The following ERCC6 variants were observed in gnomAD, a reference collection of about 807,000 sequenced individuals.
ERCC6 encodes the protein ERCC excision repair 6, chromatin remodeling factor, also known as DNA excision repair protein ERCC-6.
A neutral mutation model predicts 158.7 loss-of-function variants in ERCC6; 116 were observed. The ratio of observed to expected loss-of-function variants is 0.73; its 90% CI spans 0.63 to 0.85. The LOEUF is 0.85. ERCC6 is among the 40% of genes least tolerant of loss of function. The pLI, the probability that ERCC6 is intolerant of heterozygous loss-of-function variation, is 0.00. For synonymous variants in ERCC6, 678 were observed against 659.3 expected (o/e 1.03, Z -0.43); for missense variants, 1,698 against 1,799.4 (o/e 0.94, Z 1.02).
intron 5 of ERCC6, among the ~76,000 whole-genome samples, chr10:49,521,335 C>T (rs1001831657): frequency 2.6e-5 from 4 of 152,214 alleles, no homozygotes; most frequent in African/African-American, 4.8e-5. Flanking sequence ...GGCTGCACAG[C>T]CTGTACTAGG....
At chr10:49,538,197 C>T (rs532196671) in intron 1 of ERCC6, among the ~76,000 whole-genome samples, 16 of 152,306 alleles carry the variant, frequency 1.1e-4, no homozygotes, top group African/African-American at 3.8e-4. Context: ...CTGGGGCTCC[C>T]GCAGCCAGGG....
rs909446922 is a variant in ERCC6 at position 49,511,209 on chromosome 10, T to C, written c.1398-5197A>G. 9.2e-5 allele frequency among the ~76,000 whole-genome samples: 14 copies of C among 152,240 alleles called. 1 individual carries two copies. The Middle Eastern group carries it at 0.017, about 185-fold the overall frequency. On this transcript the variant is annotated intron_variant, in intron 5 of 20. Coordinates refer to ENST00000355832, the MANE Select transcript of ERCC6 (RefSeq NM_000124.4). ...AGGAGCCCTGAGTTTGCTCCCAAGCTTCCCCAGGACCAGGTGGGAAAGGCT... is the reference window on the plus strand; with the variant it reads ...AGGAGCCCTGAGTTTGCTCCCAAGCCTCCCCAGGACCAGGTGGGAAAGGCT...
intron 5 of ERCC6, among the ~76,000 whole-genome samples, chr10:49,511,331 T>C (rs1836810904): frequency 6.6e-6 from 1 of 152,222 alleles, no homozygotes; most frequent in Non-Finnish European, 1.5e-5. Context: ...AATAGTGTTT[T>C]TGATGTTCCC....
At chr10:49,524,959 T>A in intron 4 of ERCC6, 182 bp from the exon 5 acceptor site, 4 of 1,397,280 alleles carry the variant, frequency 2.9e-6, no homozygotes, top group Non-Finnish European at 3.8e-6. Flanking sequence ...TCATGCTATA[T>A]TTAATATATT....
chr10:49,523,411 T>C (rs1446409487), intron 5 of ERCC6, among the ~76,000 whole-genome samples: 4 of 152,230 alleles, frequency 2.6e-5, no homozygotes, highest in Non-Finnish European at 4.4e-5. Flanking sequence ...GACAATGTCA[T>C]GGAGCTAAAA....
chr10:49,439,346 T>TG, the ERCC6 span, among the ~76,000 whole-genome samples: 1 of 152,254 alleles, frequency 6.6e-6, no homozygotes, highest in Non-Finnish European at 1.5e-5. Flanking sequence ...TGCCAAGGCT[T>TG]GGGGCTTGCA....
the ERCC6 span, among the ~76,000 whole-genome samples, chr10:49,436,175 C>A: frequency 6.6e-6 from 1 of 152,026 alleles, no homozygotes; most frequent in African/African-American, 2.4e-5. Flanking sequence ...GAACCTCTAC[C>A]TCTCTCCATG....
chr10:49,471,244 A>C (rs1350502406), intron 16 of ERCC6, 124 bp from the exon 17 acceptor site: 1 of 916,698 alleles, frequency 1.1e-6, no homozygotes. Flanking sequence ...TAATCCCCCA[A>C]ACTTTCAGCC....
chr10:49,515,207 A>G (rs1217623737), intron 5 of ERCC6: 5 of 1,303,458 alleles, frequency 3.8e-6, no homozygotes, highest in Middle Eastern at 2.8e-4. Context: ...ATTTGAAGAG[A>G]AAAAAAAATT....
chr10:49,530,961 C>G (rs1238546753), intron 2 of ERCC6, 121 bp from the exon 3 acceptor site: 1 of 1,397,288 alleles, frequency 7.2e-7, no homozygotes, highest in Non-Finnish European at 9.6e-7. Context: ...ATAAAGGAAA[C>G]TAAACCAGAA....
rs959839602 is a variant in ERCC6, at chr10:49,537,282, C to T, written c.-15+1680G>A. The stretch of plus-strand genomic sequence containing the variant: ...TCGCTTGAACCCAGGAGGCGGAGGC[C>T]GCAGTGAGCGAGATCGCACCACTGC... On this transcript the variant is annotated intron_variant, in intron 1 of 20. Coordinates refer to ENST00000355832, the MANE Select transcript of ERCC6 (RefSeq NM_000124.4). 2.7e-5 allele frequency among the ~76,000 whole-genome samples: 4 copies of T among 148,918 alleles called. No individual in the cohort carries two copies. The East Asian group carries it at 6.0e-4, about 22-fold the overall frequency.
intron 13 of ERCC6, among the ~76,000 whole-genome samples, chr10:49,473,809 T>G (rs907005224): frequency 1.3e-5 from 2 of 152,252 alleles, no homozygotes; most frequent in Non-Finnish European, 2.9e-5. Flanking sequence ...TAAACTTACT[T>G]GCAGACTAGA....
At position 49,465,472 on chromosome 10, in the gene ERCC6, T is replaced by C. The variant is rs180838201; in HGVS notation, c.3779-3916A>G. Among the ~76,000 whole-genome samples the C allele has an allele frequency of 4.6e-5, 7 of 152,284 alleles. No individual in the cohort carries two copies. The East Asian group carries it at 1.4e-3, about 29-fold the overall frequency. ...AATGAGTTGAGACTTTAGGGGACTG[T>C]TGGGAAGGCATGATTGGTTTTAAAA... On this transcript the variant is annotated intron_variant, in intron 18 of 20. Transcript: ENST00000355832.
intron 10 of ERCC6, among the ~76,000 whole-genome samples, chr10:49,480,357 T>A (rs1850955515): frequency 6.6e-6 from 1 of 152,198 alleles, no homozygotes; most frequent in African/African-American, 2.4e-5. Context: ...AATACCTTCA[T>A]GGGAAGGTTC....
intron 8 of ERCC6, among the ~76,000 whole-genome samples, chr10:49,489,938 T>C (rs957609970): frequency 1.3e-5 from 2 of 152,200 alleles, no homozygotes; most frequent in African/African-American, 4.8e-5. Context: ...CCTAGCAACA[T>C]CAAACACCTG....
At chr10:49,515,569 G>A (rs1337626880) in intron 5 of ERCC6, 15 of 1,614,060 alleles carry the variant, frequency 9.3e-6, no homozygotes, top group Middle Eastern at 1.6e-4. Context: ...ACACGTCGAC[G>A]AAACTCCAGA....
intron 1 of ERCC6, among the ~76,000 whole-genome samples, chr10:49,533,382 A>G (rs1837519055): frequency 6.6e-6 from 1 of 152,210 alleles, no homozygotes; most frequent in African/African-American, 2.4e-5. Context: ...ACTGTAATGC[A>G]TAGGAACAGC....
At chr10:49,497,660 C>T (rs145826323) in intron 7 of ERCC6, among the ~76,000 whole-genome samples, 1 of 152,322 alleles carries the variant, frequency 6.6e-6, no homozygotes, top group African/African-American at 2.4e-5. Flanking sequence ...TTAACAGTCA[C>T]ATCGTCAACT....
chr10:49,451,710 T>C (rs777370639), downstream of ERCC6, among the ~76,000 whole-genome samples: 1 of 152,200 alleles, frequency 6.6e-6, no homozygotes, highest in South Asian at 2.1e-4. Context: ...ATAAGACATA[T>C]TGGTCTGCAG....
Sources: allele counts gnomAD v4.1 joint callset (sites outside exome capture counted in the v4.1 genomes callset), GRCh38; gene constraint gnomAD v4.1.1; transcripts MANE v1.5; gene names NCBI Gene and HGNC (gene_info 2026-07-23, HGNC 2026-07-21).